Variants in AOPEP observed in about 807,000 individuals in gnomAD.
AOPEP encodes the protein aminopeptidase O.
A neutral mutation model predicts 98.1 loss-of-function variants in AOPEP; 77 were observed. The ratio of observed to expected loss-of-function variants is 0.78; its 90% CI spans 0.65 to 0.95. AOPEP has a LOEUF of 0.95. AOPEP is among the 40% of genes least tolerant of loss of function. The probability of loss-of-function intolerance (pLI) is 0.00; values close to 1 mark genes in which losing one functional copy is unlikely to be tolerated. For synonymous variants in AOPEP, 346 were observed against 365.3 expected (o/e 0.95, Z 0.60); for missense variants, 1,024 against 1,024.7 (o/e 1.00, Z 0.01).
Position 94,979,501 on chromosome 9 carries a change from CAG to C in AOPEP, c.1977+75_1977+76del. 3 of 901,992 alleles carry C rather than the reference CAG, an allele frequency of 3.3e-6. No individual in the cohort carries two copies. In the Admixed American group the frequency reaches 6.0e-5, roughly 18 times the overall value. 55.9% of individuals were successfully genotyped at this position (901,992 alleles called of 1,614,324 possible). The stretch of plus-strand genomic sequence containing the variant: ...TTGCTGCTTAGCACATCAATCATGA[CAG>C]TGATTTCTTAATATATGTGTAGGAA... On this transcript the variant is annotated intron_variant, in intron 11 of 16. Transcript: ENST00000375315.
At chr9:94,749,114 CCAATTTAAACAAATTTATTTATT>C (rs1484090207) in intron 1 of AOPEP, among the ~76,000 whole-genome samples, 1 of 152,142 alleles carries the variant, frequency 6.6e-6, no homozygotes, top group Non-Finnish European at 1.5e-5. Context: ...ATTTGTTCAA[CCAATTTAAACAAATTTATTTATT>C]CAATTTAAAC....
intron 5 of AOPEP, among the ~76,000 whole-genome samples, chr9:94,818,515 G>A (rs1588376072): frequency 6.6e-6 from 1 of 152,270 alleles, no homozygotes; most frequent in East Asian, 1.9e-4. Context: ...CGTTTCAGAA[G>A]GAGCATTTAG....
chr9:94,774,042 C>T (rs1268170374), intron 3 of AOPEP, among the ~76,000 whole-genome samples: 1 of 152,178 alleles, frequency 6.6e-6, no homozygotes, highest in Admixed American at 6.5e-5. Context: ...GTGTGAGCCA[C>T]TGTGCCTGGC....
At chr9:95,130,701 C>T in the AOPEP span, among the ~76,000 whole-genome samples, 150 of 152,284 alleles carry the variant, frequency 9.9e-4, 2 homozygotes, top group African/African-American at 3.5e-3. Context: ...TAGCTGTTTC[C>T]GAGCCACTGT....
At chr9:94,782,581 C>G (rs950306366) in intron 3 of AOPEP, among the ~76,000 whole-genome samples, 1 of 152,146 alleles carries the variant, frequency 6.6e-6, no homozygotes, top group Admixed American at 6.5e-5. Context: ...AGACTGCTCC[C>G]ATAGTATGCA....
intron 13 of AOPEP, among the ~76,000 whole-genome samples, chr9:95,008,350 C>T (rs2062198839): frequency 6.6e-6 from 1 of 152,096 alleles, no homozygotes; most frequent in Non-Finnish European, 1.5e-5. Flanking sequence ...TTTTTTCCTG[C>T]CGTGTGGAAA....
chr9:94,784,506 CTT>C (rs909885528), intron 3 of AOPEP, among the ~76,000 whole-genome samples: 26 of 152,272 alleles, frequency 1.7e-4, no homozygotes, highest in Admixed American at 9.8e-4. Flanking sequence ...AAAATAGAAT[CTT>C]CAAAACTATT....
intron 5 of AOPEP, among the ~76,000 whole-genome samples, chr9:94,893,831 T>C (rs1222437122): frequency 1.3e-5 from 2 of 152,156 alleles, no homozygotes; most frequent in African/African-American, 2.4e-5. Flanking sequence ...AAATGTAAAA[T>C]GTGTAATTGT....
At chr9:95,068,598 C>T (rs1452139482) in intron 14 of AOPEP, among the ~76,000 whole-genome samples, 1 of 152,140 alleles carries the variant, frequency 6.6e-6, no homozygotes, top group East Asian at 1.9e-4. Context: ...AAAATATACT[C>T]TTATATGATG....
chr9:94,967,351 G>A (rs1318349929), intron 9 of AOPEP, among the ~76,000 whole-genome samples: 2 of 152,116 alleles, frequency 1.3e-5, no homozygotes, highest in African/African-American at 2.4e-5. Flanking sequence ...GTAGAGCAAC[G>A]CAAGAGAGTT....
chr9:94,906,295 C>CAA (rs1158178052), intron 5 of AOPEP, among the ~76,000 whole-genome samples: 3 of 121,326 alleles, frequency 2.5e-5, no homozygotes, highest in African/African-American at 9.1e-5. Context: ...TCTGTCTCTA[C>CAA]AAAAAAAAAA....
chr9:94,833,865 A>G (rs2041224322), intron 5 of AOPEP, among the ~76,000 whole-genome samples: 1 of 151,842 alleles, frequency 6.6e-6, no homozygotes. Context: ...TATAGAATGT[A>G]GCTAATAAAT....
At chr9:94,728,398 T>G (rs917819684) in intron 1 of AOPEP, among the ~76,000 whole-genome samples, 3 of 152,102 alleles carry the variant, frequency 2.0e-5, no homozygotes, top group Non-Finnish European at 4.4e-5. Context: ...GAAATGAAAA[T>G]TTTATTGACT....
intron 5 of AOPEP, among the ~76,000 whole-genome samples, chr9:94,901,068 C>T (rs560235341): frequency 4.6e-5 from 6 of 130,996 alleles, no homozygotes; most frequent in African/African-American, 8.0e-5. Context: ...GTAATTCATG[C>T]GAAGTTCAAT....
At chr9:94,855,129 G>A (rs1038286726) in intron 5 of AOPEP, among the ~76,000 whole-genome samples, 7 of 152,036 alleles carry the variant, frequency 4.6e-5, no homozygotes, top group Admixed American at 1.3e-4. Flanking sequence ...CCAGGCTGTC[G>A]TGCAATGGTA....
rs1285919840 is a variant in AOPEP, at chr9:95,005,476, C to T, written c.2041-66C>T. On this transcript the variant is annotated intron_variant, in intron 12 of 16. Transcript: ENST00000375315. ...GCGAGGCCGGGGGTCTCTGCTTTCT[C>T]GCGCTGGGGGATGGCCGTCAGGACC... is the stretch of plus-strand genomic sequence containing the variant. The T allele has an allele frequency of 3.4e-6, 5 of 1,467,234 alleles. No individual in the cohort carries two copies. In the Admixed American group the frequency reaches 5.0e-5, roughly 15 times the overall value. The allele number at this position is 1,467,234 out of a possible 1,614,324, so 90.9% of individuals were successfully genotyped here.
chr9:95,006,137 A>G (rs1351801045), intron 13 of AOPEP: 1 of 470,182 alleles, frequency 2.1e-6, no homozygotes, highest in South Asian at 1.6e-5. Flanking sequence ...TCAGTATGTT[A>G]CTTTGCAGAA....
At chr9:94,735,901 A>G (rs985764980) in intron 1 of AOPEP, among the ~76,000 whole-genome samples, 2 of 152,170 alleles carry the variant, frequency 1.3e-5, no homozygotes, top group Admixed American at 1.3e-4. Context: ...ATTTCATGTA[A>G]ATGTAATCAT....
the AOPEP span, among the ~76,000 whole-genome samples, chr9:95,129,854 C>T: frequency 2.6e-5 from 4 of 152,166 alleles, no homozygotes; most frequent in Non-Finnish European, 5.9e-5. Context: ...TCTGCCCTCC[C>T]TCTTGTATAG....
Sources: allele counts gnomAD v4.1 joint callset (sites outside exome capture counted in the v4.1 genomes callset), GRCh38; gene constraint gnomAD v4.1.1; transcripts MANE v1.5; gene names NCBI Gene and HGNC (gene_info 2026-07-23, HGNC 2026-07-21).